CSRP3: variants seen among roughly 807,000 people sequenced by gnomAD.
The protein encoded by CSRP3 is cysteine and glycine-rich protein 3.
Under a neutral mutation model 24.3 loss-of-function variants are expected in CSRP3, and 24 were observed. The observed-to-expected ratio is 0.99, with a 90% confidence interval of 0.71 to 1.39. The LOEUF (loss-of-function observed/expected upper bound fraction) is 1.39. Among genes scored for constraint, CSRP3 ranks in the 40% most tolerant of loss-of-function variants. The pLI is 0.00. For missense variants in CSRP3, 240 were observed against 249.0 expected (o/e 0.96, Z 0.24); for synonymous variants, 105 against 94.0 (o/e 1.12, Z -0.68).
At chr11:19,195,586 A>T (rs921581061) in intron 1 of CSRP3, among the ~76,000 whole-genome samples, 4 of 152,228 alleles carry the variant, frequency 2.6e-5, no homozygotes, top group African/African-American at 9.7e-5. Context: ...AAACAACCTT[A>T]GGTCAAATTT....
At chr11:19,187,920 A>G (rs1179643272) in intron 3 of CSRP3, among the ~76,000 whole-genome samples, 2 of 152,208 alleles carry the variant, frequency 1.3e-5, no homozygotes, top group African/African-American at 2.4e-5. Flanking sequence ...CCATGGTGTA[A>G]AAGTAATTGC....
At chr11:19,187,954 AAG>A (rs1850553587) in intron 3 of CSRP3, among the ~76,000 whole-genome samples, 180 bp downstream of exon 3, 1 of 152,248 alleles carries the variant, frequency 6.6e-6, no homozygotes, top group Non-Finnish European at 1.5e-5. Context: ...AAATAATTTA[AAG>A]AGAGTCTTTG....
chr11:19,201,187 C>A (rs569755539), intron 1 of CSRP3, among the ~76,000 whole-genome samples: 1 of 152,318 alleles, frequency 6.6e-6, no homozygotes, highest in South Asian at 2.1e-4. Context: ...CAGTGGGAAT[C>A]CTAACCACTG....
intron 5 of CSRP3, among the ~76,000 whole-genome samples, chr11:19,184,162 A>C (rs1850485396): frequency 6.6e-6 from 1 of 152,200 alleles, no homozygotes; most frequent in Non-Finnish European, 1.5e-5. Flanking sequence ...CTTCTCTCTT[A>C]ACTCCCTTTC....
chr11:19,182,561 T>A lies in CSRP3; in HGVS notation c.*109A>T. On this transcript the variant is annotated 3_prime_UTR_variant, in exon 6 of 6. Transcript: ENST00000265968. ...CTGATCACTTCTGAGGAGAAACACA[T>A]AATGTACGACTACAAAGGAGAGGCT... is the stretch of plus-strand genomic sequence containing the variant. 1.1e-6 allele frequency: 1 copy of A among 939,538 alleles called. No homozygotes were observed. Among genetic ancestry groups the A allele is most frequent in the South Asian group, 1.3e-5 (1 of 77,468 alleles). 58.2% of individuals were successfully genotyped at this position (939,538 alleles called of 1,614,324 possible).
chr11:19,188,245 AGTAGAT>A lies in CSRP3; in HGVS notation c.166_171del (p.Ile56_Tyr57del). 6.2e-7 allele frequency: 1 copy of A among 1,613,266 alleles called. No individual in the cohort carries two copies. Among genetic ancestry groups the A allele is most frequent in the Non-Finnish European group, 8.5e-7 (1 of 1,180,000 alleles). The stretch of plus-strand genomic sequence containing the variant: ...TATCTGCGCCCATAGCACACCTTGC[AGTAGAT>A]CTCCGACTCATGAGCCGCGACTGTC... On this transcript the variant is annotated inframe_deletion, in exon 3 of 6. Coordinates refer to ENST00000265968, the MANE Select transcript of CSRP3 (RefSeq NM_003476.5).
chr11:19,197,575 C>CTTT (rs1218780980), intron 1 of CSRP3, among the ~76,000 whole-genome samples: 1 of 99,304 alleles, frequency 1.0e-5, no homozygotes, highest in South Asian at 3.4e-4. Context: ...TTCTTTCTTT[C>CTTT]TTCTTTCACT....
At chr11:19,183,944 C>T (rs879724795) in intron 5 of CSRP3, among the ~76,000 whole-genome samples, 1 of 152,274 alleles carries the variant, frequency 6.6e-6, no homozygotes, top group South Asian at 2.1e-4. Flanking sequence ...GGCAGTTCTC[C>T]TGCACTTGCT....
intron 5 of CSRP3, 90 bp from the exon 6 acceptor site, chr11:19,182,836 T>G: frequency 3.3e-6 from 3 of 919,060 alleles, no homozygotes; most frequent in Middle Eastern, 5.0e-4. Context: ...GTCCTTTTAA[T>G]TATTAGAGAC....
In CSRP3 at chr11:19,186,332, G is replaced by A. The variant is rs201214593; in HGVS notation, c.298C>T (p.Arg100Cys). The A allele has an allele frequency of 4.8e-5, 78 of 1,614,086 alleles. No homozygotes were observed. Among genetic ancestry groups the A allele is most frequent in the Admixed American group, 8.3e-5 (5 of 60,006 alleles). Residue 100 changes from arginine to cysteine, a missense_variant, in exon 4 of 6, where the codon CGC becomes TGC. Transcript: ENST00000265968. Reference sequence around the variant, plus strand: ...GAAGGGTTGCTGGTGGTAACTGAGCGTGCCGGCTTTGGGGACCTGTTGGAA... The same window carrying A: ...GAAGGGTTGCTGGTGGTAACTGAGCATGCCGGCTTTGGGGACCTGTTGGAA... Reference protein sequence around the residue: ...LQFQQSPKPARSVTTSNPSKF... With the variant: ...LQFQQSPKPACSVTTSNPSKF...
In CSRP3 at chr11:19,186,243, A is replaced by G; in HGVS notation, c.387T>C (p.Ala129=). The G allele has an allele frequency of 6.2e-7, 1 of 1,614,230 alleles. No individual in the cohort carries two copies. The highest frequency in any genetic ancestry group is 8.5e-7 in the Non-Finnish European group (1 of 1,180,024). ...KCPRCGKSVY[A]AEKVMGGGKP... is the part of the protein sequence containing the mutation. ...TGCCACCTCCCATAACCTTCTCAGCAGCATAGACTGACTTGCCACATCGAG... is the reference window on the plus strand; with the variant it reads ...TGCCACCTCCCATAACCTTCTCAGCGGCATAGACTGACTTGCCACATCGAG... Residue 129 remains alanine (A), a synonymous_variant, in exon 4 of 6, where the codon GCT becomes GCC. Transcript: ENST00000265968.
At chr11:19,197,501 C>CTCTTTCGTTCGTTCTT (rs1491110501) in intron 1 of CSRP3, among the ~76,000 whole-genome samples, 11 of 67,068 alleles carry the variant, frequency 1.6e-4, no homozygotes, top group African/African-American at 6.0e-4. Flanking sequence ...CCCTCTTTTC[C>CTCTTTCGTTCGTTCTT]TCTTTCTTTC....
chr11:19,188,221 A>T lies in CSRP3; in HGVS notation c.196T>A (p.Tyr66Asn), dbSNP rs1319244603. 1 of 1,613,638 alleles carries T rather than the reference A, an allele frequency of 6.2e-7. No homozygotes were observed. Among genetic ancestry groups the T allele is most frequent in the Non-Finnish European group, 8.5e-7 (1 of 1,180,020 alleles). ...IYCKVCYGRR[Y>N]GPKGIGYGQG... ...CCATACCCGATCCCTTTGGGGCCAT[A>T]TCTGCGCCCATAGCACACCTTGCAG... is the stretch of plus-strand genomic sequence containing the variant. The change falls in exon 3 of 6, where the codon TAT becomes AAT. Residue 66 changes from tyrosine to asparagine, a missense_variant. By Grantham distance (143) the Tyr-to-Asn change is moderately radical. Coordinates refer to ENST00000265968, the MANE Select transcript of CSRP3 (RefSeq NM_003476.5).
intron 5 of CSRP3, among the ~76,000 whole-genome samples, chr11:19,183,183 A>G (rs1239097978): frequency 6.6e-6 from 1 of 151,904 alleles, no homozygotes; most frequent in Non-Finnish European, 1.5e-5. Flanking sequence ...AAAAAGGTTT[A>G]TGCATGAGCT....
Position 19,192,376 on chromosome 11 carries a change from AC to A in CSRP3, c.72del (p.Gln24HisfsTer184), listed in dbSNP as rs766395852. 1.2e-6 allele frequency: 2 copies of A among 1,614,164 alleles called. No individual in the cohort carries two copies. The highest frequency in any genetic ancestry group is 1.7e-6 in the Non-Finnish European group (2 of 1,180,028). On this transcript the variant is annotated frameshift_variant, in exon 2 of 6. Coordinates refer to ENST00000265968, the MANE Select transcript of CSRP3 (RefSeq NM_003476.5). LOFTEE classifies it high-confidence loss of function. ...GTCTTGTGGAAACTCCTTCCATTGCACTGGATTTCTTCTGCATGGTAGACGG... is the reference window on the plus strand; with the variant it reads ...GTCTTGTGGAAACTCCTTCCATTGCATGGATTTCTTCTGCATGGTAGACGG... ...EKTVYHAEEI[Q>X]CNGRSFHKTC...
Position 19,199,573 on chromosome 11 carries a change from G to A in CSRP3, c.-29+2381C>T, listed in dbSNP as rs868629462. Among the ~76,000 whole-genome samples the A allele has an allele frequency of 2.6e-5, 4 of 152,256 alleles. No individual in the cohort carries two copies. In the South Asian group the frequency reaches 6.2e-4, roughly 24 times the overall value. ...TCCCAGTTTACCTCCTGGCTCTGCC[G>A]CTTTCTCAGCCATGTGATGCTGGGC... On this transcript the variant is annotated intron_variant, in intron 1 of 5. Coordinates refer to ENST00000265968, the MANE Select transcript of CSRP3 (RefSeq NM_003476.5).
chr11:19,195,293 A>G (rs1054546476), intron 1 of CSRP3, among the ~76,000 whole-genome samples: 3 of 152,132 alleles, frequency 2.0e-5, no homozygotes, highest in African/African-American at 7.2e-5. Context: ...CAGGGCTGGA[A>G]TAGATTTTTA....
At chr11:19,197,578 C>CT (rs1354728828) in intron 1 of CSRP3, among the ~76,000 whole-genome samples, 23 of 55,634 alleles carry the variant, frequency 4.1e-4, no homozygotes, top group African/African-American at 1.6e-3. Flanking sequence ...TTTCTTTCTT[C>CT]TTTCACTACC....
chr11:19,194,623 C>T (rs981427906), intron 1 of CSRP3, among the ~76,000 whole-genome samples: 2 of 152,158 alleles, frequency 1.3e-5, no homozygotes, highest in African/African-American at 4.8e-5. Context: ...TTCTAGGCTT[C>T]AATGAGCTAT....
Sources: allele counts gnomAD v4.1 joint callset (sites outside exome capture counted in the v4.1 genomes callset), GRCh38; gene constraint gnomAD v4.1.1; transcripts MANE v1.5; gene names NCBI Gene and HGNC (gene_info 2026-07-23, HGNC 2026-07-21).